HORMAD2: variants seen among roughly 807,000 people sequenced by gnomAD.
HORMAD2 encodes the protein HORMA domain-containing protein 2.
A neutral mutation model predicts 38.8 loss-of-function variants in HORMAD2; 45 were observed. The ratio of observed to expected loss-of-function variants is 1.16; its 90% CI spans 0.91 to 1.49. The LOEUF (loss-of-function observed/expected upper bound fraction) is 1.49. Among genes scored for constraint, HORMAD2 ranks in the 40% most tolerant of loss-of-function variants. The pLI is 0.00. For missense variants in HORMAD2, 338 were observed against 367.0 expected (o/e 0.92, Z 0.65); for synonymous variants, 126 against 122.8 (o/e 1.03, Z -0.17).
chr22:30,137,820 T>C (rs1475791043), intron 10 of HORMAD2: 2 of 152,288 alleles, frequency 1.3e-5, no homozygotes, highest in Admixed American at 6.5e-5. Flanking sequence ...CATGTATTAG[T>C]GATGGGCATT....
At chr22:30,080,809 T>C (rs970596924) in intron 1 of HORMAD2, among the ~76,000 whole-genome samples, 2 of 152,020 alleles carry the variant, frequency 1.3e-5, no homozygotes, top group African/African-American at 4.8e-5. Context: ...TGAGCCATGA[T>C]GAGGCTGGCA....
chr22:30,163,416 G>T (rs937848308), intron 10 of HORMAD2, among the ~76,000 whole-genome samples: 26 of 151,996 alleles, frequency 1.7e-4, no homozygotes, highest in African/African-American at 6.0e-4. Context: ...ATCATGTGCT[G>T]ATTTTCTTTT....
At chr22:30,165,719 C>T (rs1418165509) in intron 10 of HORMAD2, among the ~76,000 whole-genome samples, 1 of 151,980 alleles carries the variant, frequency 6.6e-6, no homozygotes, top group Non-Finnish European at 1.5e-5. Flanking sequence ...ATAACTTTTT[C>T]CCATTTTATT....
intron 1 of HORMAD2, chr22:30,081,249 A>G (rs1334450828): frequency 1.3e-5 from 2 of 152,164 alleles, no homozygotes; most frequent in South Asian, 2.1e-4. Flanking sequence ...TGGACCATCA[A>G]TCTGTTGAGG....
chr22:30,169,740 T>C (rs907657895), intron 10 of HORMAD2, among the ~76,000 whole-genome samples: 2 of 152,218 alleles, frequency 1.3e-5, no homozygotes, highest in African/African-American at 4.8e-5. Flanking sequence ...CAATTATTTC[T>C]CCATCTATCT....
chr22:30,139,474 C>A (rs763826021), intron 10 of HORMAD2, among the ~76,000 whole-genome samples: 3 of 151,386 alleles, frequency 2.0e-5, no homozygotes, highest in Non-Finnish European at 4.4e-5. Context: ...TTCCTGATTA[C>A]TTTCTATATC....
intron 5 of HORMAD2, among the ~76,000 whole-genome samples, chr22:30,106,780 G>A (rs1184401115): frequency 6.6e-6 from 1 of 152,166 alleles, no homozygotes; most frequent in Non-Finnish European, 1.5e-5. Flanking sequence ...ATAAGATGGG[G>A]ATAATAATAG....
Position 30,118,872 on chromosome 22 carries a change from G to A in HORMAD2, c.343-108G>A. ...ATACTGTGAAACAAACAGCTATATA[G>A]GAAGTACAGTAGATATACAGTGAAA... On this transcript the variant is annotated intron_variant, in intron 7 of 10. Transcript: ENST00000336726. The A allele has an allele frequency of 4.2e-6, 3 of 707,750 alleles. No individual in the cohort carries two copies. The South Asian group carries it at 5.1e-5, about 12-fold the overall frequency. 43.8% of individuals were successfully genotyped at this position (707,750 alleles called of 1,614,324 possible). A position where few individuals can be genotyped will look rare whatever the true frequency, so the allele number is the denominator to read the frequency against.
At chr22:30,141,577 G>A (rs189016731) in intron 10 of HORMAD2, among the ~76,000 whole-genome samples, 104 of 150,336 alleles carry the variant, frequency 6.9e-4, no homozygotes, top group South Asian at 1.5e-3. Context: ...TTTCATTCCA[G>A]TGAGGTCAGA....
intron 10 of HORMAD2, among the ~76,000 whole-genome samples, chr22:30,164,731 C>T (rs1925671449): frequency 1.3e-5 from 2 of 152,110 alleles, no homozygotes; most frequent in Non-Finnish European, 2.9e-5. Flanking sequence ...TGGGCTCAGG[C>T]GATCCTCCTG....
At chr22:30,110,421 T>TC (rs2146106310) in intron 5 of HORMAD2, among the ~76,000 whole-genome samples, 1 of 148,810 alleles carries the variant, frequency 6.7e-6, no homozygotes, top group East Asian at 2.0e-4. Context: ...AATCTCGCTC[T>TC]GTCGCCCAGG....
chr22:30,081,524 T>C (rs1323889440), intron 1 of HORMAD2, among the ~76,000 whole-genome samples: 1 of 152,138 alleles, frequency 6.6e-6, no homozygotes, highest in East Asian at 1.9e-4. Flanking sequence ...GTCTAAGTAA[T>C]TGGGCGAACT....
intron 1 of HORMAD2, among the ~76,000 whole-genome samples, chr22:30,088,781 C>A (rs1460767474): frequency 6.6e-6 from 1 of 151,286 alleles, no homozygotes; most frequent in South Asian, 2.1e-4. Context: ...TCTAGAAAAT[C>A]ATGATTTCTC....
At chr22:30,106,563 A>G (rs567076659) in intron 5 of HORMAD2, among the ~76,000 whole-genome samples, 1 of 152,258 alleles carries the variant, frequency 6.6e-6, no homozygotes, top group Non-Finnish European at 1.5e-5. Flanking sequence ...GACGGCCATC[A>G]CTGTTATACT....
At chr22:30,111,152 C>CAAA (rs548430920) in intron 5 of HORMAD2, among the ~76,000 whole-genome samples, 216 of 83,012 alleles carry the variant, frequency 2.6e-3, no homozygotes, top group African/African-American at 0.011. Context: ...AAGACTCTGT[C>CAAA]AAAAAAAAAA....
In HORMAD2 at chr22:30,097,459, G is replaced by A. The variant is rs1282485707; in HGVS notation, c.52-1393G>A. On this transcript the variant is annotated intron_variant, in intron 2 of 10. Coordinates refer to ENST00000336726, the MANE Select transcript of HORMAD2 (RefSeq NM_152510.4). ...ATACACACATAAAATTTAGCAGGAA[G>A]CTATTCCTAGTATTGATACTTTTTA... Among the ~76,000 whole-genome samples the A allele has an allele frequency of 2.0e-5, 3 of 152,162 alleles. 1 individual carries two copies.
At chr22:30,110,994 A>G (rs1243609331) in intron 5 of HORMAD2, among the ~76,000 whole-genome samples, 1 of 151,332 alleles carries the variant, frequency 6.6e-6, no homozygotes, top group Non-Finnish European at 1.5e-5. Context: ...TGTCTCTACT[A>G]AAAATACAAA....
the HORMAD2 span, chr22:30,184,624 T>G: frequency 1.3e-5 from 2 of 152,220 alleles, no homozygotes; most frequent in African/African-American, 4.8e-5. Context: ...AGACTCAGGT[T>G]GCATTCGATG....
chr22:30,089,107 A>G (rs1039004625), intron 1 of HORMAD2, among the ~76,000 whole-genome samples: 2 of 152,146 alleles, frequency 1.3e-5, no homozygotes, highest in African/African-American at 4.8e-5. Flanking sequence ...CCTATTTATA[A>G]TCTCTATCAC....
Sources: allele counts gnomAD v4.1 joint callset (sites outside exome capture counted in the v4.1 genomes callset), GRCh38; gene constraint gnomAD v4.1.1; transcripts MANE v1.5; gene names NCBI Gene and HGNC (gene_info 2026-07-23, HGNC 2026-07-21).